The following HNF4A variants were observed in gnomAD, a reference collection of about 807,000 sequenced individuals.
HNF4A encodes the protein hepatocyte nuclear factor 4-alpha.
Under a neutral mutation model 52.4 loss-of-function variants are expected in HNF4A, and 15 were observed. The ratio of observed to expected loss-of-function variants is 0.29; its 90% confidence interval spans 0.19 to 0.44. HNF4A has a LOEUF of 0.44. Ranked by LOEUF, HNF4A falls within the 20% of genes least tolerant of loss-of-function variation. HNF4A has a pLI of 1.00. For missense variants in HNF4A, 479 were observed against 647.2 expected (o/e 0.74, Z 2.82); for synonymous variants, 280 against 264.4 (o/e 1.06, Z -0.57).
At chr20:44,365,175 T>C (rs1357454351) in intron 1 of HNF4A, among the ~76,000 whole-genome samples, 1 of 152,010 alleles carries the variant, frequency 6.6e-6, no homozygotes, top group East Asian at 1.9e-4. Flanking sequence ...TTGTTTTTGT[T>C]TTGTTGTTGT....
At chr20:44,383,542 G>A (rs2063181090) in intron 1 of HNF4A, among the ~76,000 whole-genome samples, 1 of 150,228 alleles carries the variant, frequency 6.7e-6, no homozygotes, top group South Asian at 2.1e-4. Context: ...AGTACTCTTG[G>A]GGACCTCTTT....
At chr20:44,363,119 G>A (rs113391211) in intron 1 of HNF4A, among the ~76,000 whole-genome samples, 1,547 of 152,128 alleles carry the variant, frequency 0.01, 23 homozygotes, top group African/African-American at 0.035. Context: ...GCCTCCCAAA[G>A]TGCTGGGATT....
chr20:44,391,426 C>T (rs1288797681), intron 1 of HNF4A: 1 of 152,734 alleles, frequency 6.5e-6, no homozygotes, highest in African/African-American at 2.4e-5. Flanking sequence ...CCGACAGCCC[C>T]CCTCCTCACC....
chr20:44,356,854 A>G (rs1475448169), intron 1 of HNF4A, among the ~76,000 whole-genome samples: 1 of 152,122 alleles, frequency 6.6e-6, no homozygotes, highest in Non-Finnish European at 1.5e-5. Flanking sequence ...ACCCGCACAG[A>G]ACTTGGTCTC....
intron 5 of HNF4A, 28 bp downstream of exon 5, chr20:44,414,690 T>C: frequency 6.3e-7 from 1 of 1,581,872 alleles, no homozygotes; most frequent in Non-Finnish European, 8.6e-7. Context: ...TGGTGGGCAG[T>C]AGTGGGCAGT....
rs201319115 is a variant in HNF4A at position 44,428,340 on chromosome 20, C to T, written c.1135C>T (p.Pro379Ser). The T allele has an allele frequency of 1.2e-6, 2 of 1,613,952 alleles. No individual in the cohort carries two copies. Among genetic ancestry groups the T allele is most frequent in the Non-Finnish European group, 1.7e-6 (2 of 1,180,022 alleles). ...TCGACCTTCTCTACCTGCAGGGTCC[C>T]CCAGCGATGCACCCCATGCCCACCA... Residue 379 changes from proline (P) to serine (S), a missense_variant, in exon 9 of 10, where the codon CCC (proline) becomes TCC (serine). Physicochemically the swap from Pro to Ser is moderately conservative, Grantham distance 74. This residue lies in a region of HNF4A where 389 missense variants were observed against 525.1 expected (regional missense o/e 0.74). Coordinates refer to ENST00000316099, the MANE Select transcript of HNF4A (RefSeq NM_000457.6).
chr20:44,427,489 A>G (rs1340346167), intron 8 of HNF4A, among the ~76,000 whole-genome samples: 1 of 152,228 alleles, frequency 6.6e-6, no homozygotes, highest in East Asian at 1.9e-4. Context: ...TATCACTGAA[A>G]TAGATGTACT....
chr20:44,369,493 C>T (rs905152295), intron 1 of HNF4A, among the ~76,000 whole-genome samples: 1 of 151,626 alleles, frequency 6.6e-6, no homozygotes, highest in Non-Finnish European at 1.5e-5. Context: ...AATATTTAAA[C>T]GCTATTTCAA....
At chr20:44,410,769 A>G (rs1158954712) in intron 3 of HNF4A, among the ~76,000 whole-genome samples, 2 of 152,072 alleles carry the variant, frequency 1.3e-5, no homozygotes, top group East Asian at 3.9e-4. Flanking sequence ...GTGACGGGTC[A>G]GGGGTGGAGT....
At chr20:44,404,218 G>C (rs551488184) in intron 1 of HNF4A, among the ~76,000 whole-genome samples, 1 of 152,280 alleles carries the variant, frequency 6.6e-6, no homozygotes, top group East Asian at 1.9e-4. Flanking sequence ...ACACATATGA[G>C]AATTCACCGA....
At position 44,406,216 on chromosome 20, in the gene HNF4A, C is replaced by G; in HGVS notation, c.274C>G (p.His92Asp). 6.2e-7 allele frequency: 1 copy of G among 1,613,572 alleles called. No individual in the cohort carries two copies. The highest frequency in any genetic ancestry group is 8.5e-7 in the Non-Finnish European group (1 of 1,179,986). The change falls in exon 2 of 10, where the codon CAC becomes GAC. Residue 92 changes from histidine to aspartate, a missense_variant. Coordinates refer to ENST00000316099, the MANE Select transcript of HNF4A (RefSeq NM_000457.6). ...CTTCCGGAGGAGCGTGCGGAAGAAC[C>G]ACATGTACTCCTGCAGGTGAGGAGC...
intron 1 of HNF4A, among the ~76,000 whole-genome samples, chr20:44,382,808 A>T (rs2063171976): frequency 6.6e-6 from 1 of 152,176 alleles, no homozygotes; most frequent in Non-Finnish European, 1.5e-5. Flanking sequence ...CACTAAATAA[A>T]TAAATCATCC....
At chr20:44,412,455 G>A (rs572007476) in intron 3 of HNF4A, among the ~76,000 whole-genome samples, 8 of 152,284 alleles carry the variant, frequency 5.3e-5, no homozygotes, top group Admixed American at 3.3e-4. Flanking sequence ...GCCTACAAGC[G>A]TGCGGATGCG....
At chr20:44,360,329 CAAAT>C (rs1482992389) in intron 1 of HNF4A, among the ~76,000 whole-genome samples, 2 of 151,936 alleles carry the variant, frequency 1.3e-5, no homozygotes, top group Non-Finnish European at 2.9e-5. Context: ...ATGGATGAGA[CAAAT>C]GAATGAGTAA....
At chr20:44,416,058 G>A (rs569937288) in intron 5 of HNF4A, among the ~76,000 whole-genome samples, 17 of 152,214 alleles carry the variant, frequency 1.1e-4, no homozygotes, top group African/African-American at 3.9e-4. Context: ...CCCTGGCTGG[G>A]GCTCAGAGCA....
rs1568750469 is a variant in HNF4A, at chr20:44,432,803, C to A, written c.*3138C>A. Reference sequence around the variant, plus strand: ...CATTTCTTACTCTTCTGTGTTTTAACAAAAGTTTATAAAACAAAATAAATG... The same window carrying A: ...CATTTCTTACTCTTCTGTGTTTTAAAAAAAGTTTATAAAACAAAATAAATG... On this transcript the variant is annotated 3_prime_UTR_variant, in exon 10 of 10. Coordinates refer to ENST00000316099, the MANE Select transcript of HNF4A (RefSeq NM_000457.6). The A allele has an allele frequency of 6.6e-6, 1 of 152,088 alleles. No individual in the cohort carries two copies. The highest frequency in any genetic ancestry group is 2.4e-5 in the African/African-American group (1 of 41,408). The allele number at this position is 152,088 out of a possible 1,614,324, so 9.4% of individuals were successfully genotyped here.
upstream of HNF4A, among the ~76,000 whole-genome samples, chr20:44,398,529 G>C (rs1345024828): frequency 6.6e-6 from 1 of 152,218 alleles, no homozygotes; most frequent in African/African-American, 2.4e-5. Flanking sequence ...AGGAGATACT[G>C]TTTGGCGTTG....
intron 5 of HNF4A, 54 bp from the exon 6 acceptor site, chr20:44,418,371 C>A (rs1277081817): frequency 6.8e-7 from 1 of 1,461,658 alleles, no homozygotes; most frequent in Non-Finnish European, 9.6e-7. Context: ...GAGTTGGCTA[C>A]GGGCAGCCTT....
downstream of HNF4A, chr20:44,434,149 T>C (rs1475362781): frequency 6.6e-6 from 1 of 152,218 alleles, no homozygotes; most frequent in Non-Finnish European, 1.5e-5. Flanking sequence ...AGTTCTGGTC[T>C]GGGAAGCACA....
Sources: gnomAD v4.1 joint callset for allele counts (sites outside exome capture counted in the v4.1 genomes callset) on GRCh38, gnomAD v4.1.1 for gene constraint, gnomAD v4.1.1 regional missense constraint, MANE v1.5 for transcripts, NCBI Gene and HGNC (gene_info 2026-07-23, HGNC 2026-07-21) for gene names.